Variants in CNTNAP2 observed in about 807,000 individuals in gnomAD.
CNTNAP2 encodes contactin-associated protein-like 2.
In CNTNAP2, 98 loss-of-function variants were observed where a neutral mutation model predicts 155.2. That is an observed-to-expected ratio of 0.63 (90% CI 0.54 to 0.75). CNTNAP2 has a LOEUF of 0.75. CNTNAP2 is among the 30% of genes least tolerant of loss of function. CNTNAP2 has a pLI of 0.00. For missense variants in CNTNAP2, 1,727 were observed against 1,688.1 expected, an observed-to-expected ratio of 1.02 and a Z score of -0.40; for synonymous variants, 651 against 631.2, an observed-to-expected ratio of 1.03 and a Z score of -0.47.
intron 3 of CNTNAP2, among the ~76,000 whole-genome samples, chr7:147,039,386 C>T (rs10255942): frequency 0.49 from 74,389 of 151,910 alleles, 18,533 homozygotes; most frequent in South Asian, 0.57. Flanking sequence ...CTCCAGGAGA[C>T]CCCAGTGTCT....
chr7:147,786,480 C>T (rs1198135168), intron 13 of CNTNAP2, among the ~76,000 whole-genome samples: 1 of 152,128 alleles, frequency 6.6e-6, no homozygotes, highest in Non-Finnish European at 1.5e-5. Flanking sequence ...GGAGATCAGG[C>T]ATGACTAGAA....
At chr7:146,811,126 T>C (rs565353316) in intron 2 of CNTNAP2, among the ~76,000 whole-genome samples, 7 of 152,302 alleles carry the variant, frequency 4.6e-5, no homozygotes, top group African/African-American at 1.7e-4. Flanking sequence ...CTGGCTTTGA[T>C]ATGAACGTTA....
At position 146,290,688 on chromosome 7, in the gene CNTNAP2, G is replaced by A. The variant is rs560187904; in HGVS notation, c.97+173715G>A. On this transcript the variant is annotated intron_variant, in intron 1 of 23. Coordinates refer to ENST00000361727, the MANE Select transcript of CNTNAP2 (RefSeq NM_014141.6). ...TTTGGGAATCAGAAAAAACTAGATC[G>A]AAACTGTTTGTGTTTTATTGGGCAA... 5.3e-5 allele frequency among the ~76,000 whole-genome samples: 8 copies of A among 152,266 alleles called. No homozygotes were observed. The East Asian group carries it at 5.8e-4, about 11-fold the overall frequency.
At chr7:146,967,025 G>A (rs1276093511) in intron 3 of CNTNAP2, among the ~76,000 whole-genome samples, 1 of 152,144 alleles carries the variant, frequency 6.6e-6, no homozygotes, top group Non-Finnish European at 1.5e-5. Flanking sequence ...AGTTGATGCT[G>A]CTTGGGTGAA....
At chr7:146,541,639 A>T (rs1797954747) in intron 1 of CNTNAP2, among the ~76,000 whole-genome samples, 1 of 151,884 alleles carries the variant, frequency 6.6e-6, no homozygotes, top group Non-Finnish European at 1.5e-5. Flanking sequence ...TTTAAGAGTG[A>T]GGTTATTAAA....
intron 1 of CNTNAP2, among the ~76,000 whole-genome samples, chr7:146,351,665 A>G (rs905653473): frequency 5.9e-5 from 9 of 152,340 alleles, no homozygotes; most frequent in Admixed American, 1.3e-4. Context: ...GTTATGATAC[A>G]AAAACTCAGT....
intron 21 of CNTNAP2, among the ~76,000 whole-genome samples, chr7:148,333,409 C>T (rs1798064664): frequency 6.6e-6 from 1 of 150,676 alleles, no homozygotes; most frequent in Admixed American, 6.6e-5. Flanking sequence ...TCCTGGGTGA[C>T]AGATCAGATT....
intron 17 of CNTNAP2, among the ~76,000 whole-genome samples, chr7:148,155,541 G>A (rs1389215158): frequency 6.6e-6 from 1 of 152,096 alleles, no homozygotes; most frequent in African/African-American, 2.4e-5. Flanking sequence ...TTCACAACTT[G>A]GAGTTAGGCT....
chr7:147,793,490 C>T (rs1039489352), intron 13 of CNTNAP2, among the ~76,000 whole-genome samples: 17 of 152,002 alleles, frequency 1.1e-4, no homozygotes, highest in Non-Finnish European at 1.5e-4. Flanking sequence ...AATCAGTTGA[C>T]CATAACTCTG....
rs534070210 is a variant in CNTNAP2 at position 147,445,094 on chromosome 7, T to A, written c.1671-40841T>A. Among the ~76,000 whole-genome samples, 10 of 152,060 alleles carry A rather than the reference T, an allele frequency of 6.6e-5. 1 individual carries two copies. In the South Asian group the frequency reaches 2.1e-3, roughly 32 times the overall value. On this transcript the variant is annotated intron_variant, in intron 10 of 23. Coordinates refer to ENST00000361727, the MANE Select transcript of CNTNAP2 (RefSeq NM_014141.6). ...CATGATCCAATCACCTCCCACCACA[T>A]CCCTCCCCCAACTATGGGATTAAAA...
chr7:146,366,053 TGTGTCAGACTCAG>T (rs1795150613), intron 1 of CNTNAP2, among the ~76,000 whole-genome samples: 1 of 152,152 alleles, frequency 6.6e-6, no homozygotes, highest in African/African-American at 2.4e-5. Context: ...TATAATTTGC[TGTGTCAGACTCAG>T]GTGAAATAAA....
chr7:146,521,519 C>T (rs1057445925), intron 1 of CNTNAP2, among the ~76,000 whole-genome samples: 3 of 151,812 alleles, frequency 2.0e-5, no homozygotes, highest in African/African-American at 7.3e-5. Flanking sequence ...TTTACAATTG[C>T]TTGAAATAGT....
intron 1 of CNTNAP2, among the ~76,000 whole-genome samples, chr7:146,638,083 TAAATC>T (rs1799629132): frequency 6.6e-6 from 1 of 152,220 alleles, no homozygotes; most frequent in African/African-American, 2.4e-5. Context: ...GTTCTAGTGA[TAAATC>T]AAACCTGTTG....
rs1797493542 is a variant in CNTNAP2, at chr7:146,116,993, C to G, written c.97+20C>G. The G allele has an allele frequency of 6.5e-7, 1 of 1,545,490 alleles. No individual in the cohort carries two copies. Among genetic ancestry groups the G allele is most frequent in the Non-Finnish European group, 8.8e-7 (1 of 1,142,292 alleles). On this transcript the variant is annotated intron_variant, in intron 1 of 23. Coordinates refer to ENST00000361727, the MANE Select transcript of CNTNAP2 (RefSeq NM_014141.6). The surrounding 1 kb of genome is among the most constrained non-coding windows in gnomAD (Gnocchi z 5.5). The stretch of plus-strand genomic sequence containing the variant: ...CGTCCCGTAAGTAGCCGTCTCCTCG[C>G]TCTGCTCTGGAGCAGTTTCAGTGCG...
chr7:147,643,783 G>T (rs1167509055), intron 13 of CNTNAP2, among the ~76,000 whole-genome samples: 7 of 152,064 alleles, frequency 4.6e-5, no homozygotes, highest in African/African-American at 1.7e-4. Flanking sequence ...TTCATTTGGG[G>T]CTCTATAGTT....
intron 8 of CNTNAP2, among the ~76,000 whole-genome samples, chr7:147,194,544 G>A (rs988999323): frequency 6.6e-6 from 1 of 152,138 alleles, no homozygotes; most frequent in African/African-American, 2.4e-5. Context: ...CCCACCAACA[G>A]TGTAAAAGTG....
intron 10 of CNTNAP2, among the ~76,000 whole-genome samples, chr7:147,459,723 C>G (rs1797984601): frequency 6.6e-6 from 1 of 152,162 alleles, no homozygotes; most frequent in South Asian, 2.1e-4. Flanking sequence ...ACAAGAACTT[C>G]CACATTTGAA....
At chr7:146,420,993 A>G (rs1796003964) in intron 1 of CNTNAP2, among the ~76,000 whole-genome samples, 1 of 152,000 alleles carries the variant, frequency 6.6e-6, no homozygotes, top group Non-Finnish European at 1.5e-5. Flanking sequence ...TTACTATGCA[A>G]AGATTTTCGG....
At chr7:147,878,048 G>C (rs769652852) in intron 13 of CNTNAP2, among the ~76,000 whole-genome samples, 3 of 152,104 alleles carry the variant, frequency 2.0e-5, no homozygotes, top group South Asian at 2.1e-4. Flanking sequence ...GGGCGAAACT[G>C]AGTATGCTGA....
Sources: allele counts gnomAD v4.1 joint callset (sites outside exome capture counted in the v4.1 genomes callset), GRCh38; gene constraint gnomAD v4.1.1; non-coding constraint Gnocchi (gnomAD v3.1); transcripts MANE v1.5; gene names NCBI Gene and HGNC (gene_info 2026-07-23, HGNC 2026-07-21).